Variants in KIAA1217 observed in about 807,000 individuals in gnomAD.
KIAA1217 encodes the protein sickle tail protein homolog.
Under a neutral mutation model 163.9 loss-of-function variants are expected in KIAA1217, and 88 were observed. That is an observed-to-expected ratio of 0.54 (90% CI 0.45 to 0.64). The LOEUF (loss-of-function observed/expected upper bound fraction) is 0.64, where lower values mean the gene tolerates loss of function less well. Ranked by LOEUF, KIAA1217 falls within the 30% of genes least tolerant of loss-of-function variation. The pLI, the probability that KIAA1217 is intolerant of heterozygous loss-of-function variation, is 0.00. For synonymous variants in KIAA1217, 903 were observed against 923.1 expected (o/e 0.98, Z 0.39); for missense variants, 2,372 against 2,475.0 (o/e 0.96, Z 0.88).
At chr10:24,529,880 C>T (rs1057126552) in intron 14 of KIAA1217, among the ~76,000 whole-genome samples, 1 of 150,908 alleles carries the variant, frequency 6.6e-6, no homozygotes, top group Admixed American at 6.6e-5. Context: ...TCCCTGCAAC[C>T]TCCGCCTCCT....
At chr10:24,282,019 TGCACTCCA>T (rs2077997807) in intron 2 of KIAA1217, among the ~76,000 whole-genome samples, 2 of 151,948 alleles carry the variant, frequency 1.3e-5, no homozygotes, top group Admixed American at 1.3e-4. Context: ...ATCACACCAC[TGCACTCCA>T]GCCTGGGTGA....
chr10:24,003,658 T>G (rs1227148367), intron 1 of KIAA1217, among the ~76,000 whole-genome samples: 2 of 152,114 alleles, frequency 1.3e-5, no homozygotes, highest in African/African-American at 4.8e-5. Context: ...CAAAAAGGGG[T>G]GGGTTTCACA....
intron 2 of KIAA1217, among the ~76,000 whole-genome samples, chr10:24,281,937 G>A (rs1376393562): frequency 7.9e-5 from 12 of 152,008 alleles, no homozygotes; most frequent in Non-Finnish European, 2.9e-5. Flanking sequence ...GGTGCCTGTA[G>A]TCCCAGCTAC....
At chr10:23,698,210 C>A (rs565745042) in intron 1 of KIAA1217, among the ~76,000 whole-genome samples, 28 of 152,176 alleles carry the variant, frequency 1.8e-4, no homozygotes, top group Non-Finnish European at 3.2e-4. Context: ...CACTGAGAAG[C>A]AATTTGTAAT....
At chr10:24,323,681 G>A (rs1430019807) in intron 2 of KIAA1217, among the ~76,000 whole-genome samples, 1 of 152,052 alleles carries the variant, frequency 6.6e-6, no homozygotes, top group East Asian at 1.9e-4. Flanking sequence ...TGGGTAGGAA[G>A]GAAGAAGATA....
intron 5 of KIAA1217, among the ~76,000 whole-genome samples, chr10:24,463,886 C>T (rs1437066874): frequency 6.6e-6 from 1 of 152,170 alleles, no homozygotes; most frequent in East Asian, 1.9e-4. Context: ...TTATACACTG[C>T]TGGGAAGAGG....
chr10:24,535,928 C>T (rs918681925), intron 16 of KIAA1217, among the ~76,000 whole-genome samples: 4 of 151,924 alleles, frequency 2.6e-5, no homozygotes, highest in African/African-American at 9.7e-5. Context: ...TTGAGAACAA[C>T]AGTATTTTTT....
At chr10:24,018,957 A>G (rs1372517336) in intron 2 of KIAA1217, among the ~76,000 whole-genome samples, 1 of 152,142 alleles carries the variant, frequency 6.6e-6, no homozygotes, top group Non-Finnish European at 1.5e-5. Flanking sequence ...GCACAGAAAG[A>G]CAAATACTGT....
intron 2 of KIAA1217, among the ~76,000 whole-genome samples, chr10:24,337,838 T>C (rs1261341423): frequency 6.6e-6 from 1 of 151,938 alleles, no homozygotes; most frequent in Non-Finnish European, 1.5e-5. Flanking sequence ...AGAGACAAGG[T>C]TTCACTATGT....
In KIAA1217 at chr10:24,148,366, G is replaced by GT. The variant is rs373714707; in HGVS notation, c.-170-71252dup. ...AAAAAAACCTAAAGTTAAGCTTAGT[G>GT]TTTTTTTTCCATTTACTTATTGATA... is the stretch of plus-strand genomic sequence containing the variant. On this transcript the variant is annotated intron_variant, in intron 2 of 18. Coordinates refer to the KIAA1217 transcript ENST00000376462. Among the ~76,000 whole-genome samples, 10 of 151,864 alleles carry GT rather than the reference G, an allele frequency of 6.6e-5. No homozygotes were observed. The South Asian group carries it at 1.3e-3, about 19-fold the overall frequency.
intron 1 of KIAA1217, among the ~76,000 whole-genome samples, chr10:23,810,515 TAG>T (rs1044442999): frequency 2.9e-5 from 4 of 137,828 alleles, no homozygotes; most frequent in African/African-American, 8.1e-5. Context: ...ATATATACTA[TAG>T]ATAATCTATA....
chr10:24,245,964 G>A (rs567723331), intron 2 of KIAA1217, among the ~76,000 whole-genome samples: 6 of 152,274 alleles, frequency 3.9e-5, no homozygotes, highest in Middle Eastern at 3.4e-3. Flanking sequence ...GCAGTCACTG[G>A]TAGTAAGGTA....
At chr10:24,205,122 C>G (rs1220210111), upstream of KIAA1217, among the ~76,000 whole-genome samples, 2 of 151,946 alleles carry the variant, frequency 1.3e-5, no homozygotes, top group Non-Finnish European at 2.9e-5. Flanking sequence ...GGCAATTCCA[C>G]TTACTCTTGG....
chr10:24,399,526 G>A (rs1331945076), intron 3 of KIAA1217, among the ~76,000 whole-genome samples: 2 of 152,150 alleles, frequency 1.3e-5, no homozygotes, highest in Non-Finnish European at 2.9e-5. Context: ...TTGGTAACAT[G>A]TCACTGAGTT....
intron 2 of KIAA1217, among the ~76,000 whole-genome samples, chr10:24,258,498 C>T (rs2075388367): frequency 1.3e-5 from 2 of 152,014 alleles, no homozygotes. Context: ...TGCACCTAAG[C>T]CTTACTACTA....
chr10:24,417,097 C>G (rs2058313377), intron 3 of KIAA1217, among the ~76,000 whole-genome samples: 1 of 152,110 alleles, frequency 6.6e-6, no homozygotes, highest in Admixed American at 6.6e-5. Flanking sequence ...GTAAGAGATA[C>G]AGCGAGTCTT....
chr10:24,412,869 A>G (rs1484720424), intron 3 of KIAA1217, among the ~76,000 whole-genome samples: 1 of 152,148 alleles, frequency 6.6e-6, no homozygotes, highest in Non-Finnish European at 1.5e-5. Context: ...CTCAACCTCA[A>G]CAAGTCCAAA....
Position 24,310,913 on chromosome 10 carries a change from C to G in KIAA1217, c.355-69956C>G, listed in dbSNP as rs527775449. On this transcript the variant is annotated intron_variant, in intron 2 of 20. Transcript: ENST00000376454. Reference sequence around the variant, plus strand: ...TTGAGAGGCTGAGGTTGGAGGATCACGTGAGCCTGAAGAGGTTGAGGTTGC... The same window carrying G: ...TTGAGAGGCTGAGGTTGGAGGATCAGGTGAGCCTGAAGAGGTTGAGGTTGC... 2.0e-5 allele frequency among the ~76,000 whole-genome samples: 3 copies of G among 152,202 alleles called. No individual in the cohort carries two copies. The East Asian group carries it at 5.8e-4, about 29-fold the overall frequency.
chr10:24,277,763 A>G (rs563683654), intron 2 of KIAA1217, among the ~76,000 whole-genome samples: 2 of 152,330 alleles, frequency 1.3e-5, no homozygotes, highest in South Asian at 2.1e-4. Context: ...CTGTGAGTCA[A>G]TTAAACCTCT....
Sources: gnomAD v4.1 joint callset for allele counts (sites outside exome capture counted in the v4.1 genomes callset) on GRCh38, gnomAD v4.1.1 for gene constraint, MANE v1.5 for transcripts, NCBI Gene and HGNC (gene_info 2026-07-23, HGNC 2026-07-21) for gene names.